PITPNM2: variants seen among roughly 807,000 people sequenced by gnomAD.
PITPNM2 encodes membrane-associated phosphatidylinositol transfer protein 2.
Under a neutral mutation model 132.2 loss-of-function variants are expected in PITPNM2, and 35 were observed. The observed-to-expected ratio is 0.26, with a 90% CI of 0.20 to 0.35. PITPNM2 has a LOEUF of 0.35. Among genes scored for constraint, PITPNM2 ranks in the 10% least tolerant of loss-of-function variants. PITPNM2 has a pLI of 1.00. For missense variants in PITPNM2, 1,332 were observed against 1,912.0 expected, an observed-to-expected ratio of 0.70 and a Z score of 5.66; for synonymous variants, 738 against 799.2, an observed-to-expected ratio of 0.92 and a Z score of 1.29.
chr12:123,059,760 T>C (rs968435954), intron 2 of PITPNM2, among the ~76,000 whole-genome samples: 2 of 152,072 alleles, frequency 1.3e-5, no homozygotes, highest in South Asian at 4.1e-4. Context: ...ACATCCGGAA[T>C]AGACAAATCC....
chr12:123,033,762 TG>T (rs1010605855), intron 3 of PITPNM2, among the ~76,000 whole-genome samples: 5 of 152,102 alleles, frequency 3.3e-5, no homozygotes, highest in African/African-American at 9.7e-5. Context: ...TATTTGGAGA[TG>T]GGGCCTTTGG....
chr12:123,027,769 T>C (rs375299809), intron 3 of PITPNM2, among the ~76,000 whole-genome samples: 2 of 152,200 alleles, frequency 1.3e-5, no homozygotes, highest in Non-Finnish European at 1.5e-5. Flanking sequence ...AAATGAAGAA[T>C]GGATTCTAGT....
At chr12:123,048,215 TC>T (rs1360270262) in intron 2 of PITPNM2, among the ~76,000 whole-genome samples, 1 of 151,984 alleles carries the variant, frequency 6.6e-6, no homozygotes, top group African/African-American at 2.4e-5. Context: ...AGAAGGACAT[TC>T]TGACACATGC....
chr12:122,986,090 G>A lies in PITPNM2; in HGVS notation c.3987C>T (p.Ala1329=), dbSNP rs1170757199. Residue 1329 remains alanine (A), a synonymous_variant, in exon 26 of 26, where the codon GCC becomes GCT. Coordinates refer to ENST00000320201, the MANE Select transcript of PITPNM2 (RefSeq NM_020845.3). ...CAGTCATGGCGCGGCCCCAGCAGCCGGCCGCCACACTCATGCTGCGCTGGC... is the reference window on the plus strand; with the variant it reads ...CAGTCATGGCGCGGCCCCAGCAGCCAGCCGCCACACTCATGCTGCGCTGGC... ...QRGQRSMSVA[A]GCWGRAMTGR... is the part of the protein sequence containing the mutation. 6.9e-6 allele frequency: 10 copies of A among 1,443,098 alleles called. No homozygotes were observed. The highest frequency in any genetic ancestry group is 2.9e-5 in the East Asian group (1 of 34,624). 89.4% of individuals were successfully genotyped at this position (1,443,098 alleles called of 1,614,324 possible). A position where few individuals can be genotyped will look rare whatever the true frequency, so the allele number is the denominator to read the frequency against.
Position 122,989,879 on chromosome 12 carries a change from C to CCGGGGGG in PITPNM2, c.2638_2639insCCCCCCG (p.Ser880ThrfsTer28). 1 of 324,566 alleles carries CCGGGGGG rather than the reference C, an allele frequency of 3.1e-6. No homozygotes were observed. Among genetic ancestry groups the CCGGGGGG allele is most frequent in the Non-Finnish European group, 5.0e-6 (1 of 198,204 alleles). 20.1% of individuals were successfully genotyped at this position (324,566 alleles called of 1,614,324 possible). On this transcript the variant is annotated frameshift_variant, in exon 18 of 26. Transcript: ENST00000320201. LOFTEE classifies it high-confidence loss of function. ...AGGGTGGGGGCCAGGGGTGGTGGGG[C>CCGGGGGG]TGGGGGCGGGCAGGGCGAGCAGGGA...
At chr12:123,144,186 C>T (rs1470685408) in intron 1 of PITPNM2, among the ~76,000 whole-genome samples, 1 of 152,184 alleles carries the variant, frequency 6.6e-6, no homozygotes, top group Non-Finnish European at 1.5e-5. Flanking sequence ...AATGGAAACA[C>T]GTGTCCTTTT....
At chr12:123,032,493 C>CAAAT (rs1268316150) in intron 3 of PITPNM2, among the ~76,000 whole-genome samples, 1 of 151,982 alleles carries the variant, frequency 6.6e-6, no homozygotes, top group African/African-American at 2.4e-5. Flanking sequence ...AACAAACAAA[C>CAAAT]AAACAAACAA....
rs763846753 is a variant in PITPNM2 at position 122,996,690 on chromosome 12, T to C, written c.1662+31A>G. ...GCCCGCCCTACAGGGTCTTCCATCC[T>C]CCTCCCCTCCCCAACTTCCCCGGGA... is the stretch of plus-strand genomic sequence containing the variant. On this transcript the variant is annotated intron_variant, in intron 12 of 25. Transcript: ENST00000320201. The C allele has an allele frequency of 1.9e-6, 3 of 1,610,114 alleles. No individual in the cohort carries two copies. The South Asian group carries it at 3.3e-5, about 18-fold the overall frequency.
At chr12:123,146,951 C>T (rs901891804) in intron 1 of PITPNM2, among the ~76,000 whole-genome samples, 3 of 152,180 alleles carry the variant, frequency 2.0e-5, no homozygotes, top group African/African-American at 7.2e-5. Context: ...TCTTCTGGGA[C>T]CCTCCATCAA....
At position 123,005,827 on chromosome 12, in the gene PITPNM2, G is replaced by T; in HGVS notation, c.644-279C>A. On this transcript the variant is annotated intron_variant, in intron 6 of 25. Coordinates refer to ENST00000320201, the MANE Select transcript of PITPNM2 (RefSeq NM_020845.3). The surrounding 1 kb of genome is among the most constrained non-coding windows in gnomAD (Gnocchi z 6.2). Reference sequence around the variant, plus strand: ...CAGAAGCCACAGTTGGAAGGGCGCAGTGGCTCATGCCTGTAATCCCAACAC... The same window carrying T: ...CAGAAGCCACAGTTGGAAGGGCGCATTGGCTCATGCCTGTAATCCCAACAC... 1 of 483,154 alleles carries T rather than the reference G, an allele frequency of 2.1e-6. No individual in the cohort carries two copies. The highest frequency in any genetic ancestry group is 3.7e-6 in the Non-Finnish European group (1 of 271,590). The allele number at this position is 483,154 out of a possible 1,614,324, so 29.9% of individuals were successfully genotyped here.
At chr12:123,087,732 C>T (rs1441314544) in intron 2 of PITPNM2, 1 of 152,224 alleles carries the variant, frequency 6.6e-6, no homozygotes, top group African/African-American at 2.4e-5. Context: ...AATCCTCCCA[C>T]CTCAGCCTCC....
At chr12:123,013,255 A>AC (rs943494506) in intron 4 of PITPNM2, among the ~76,000 whole-genome samples, 1 of 152,080 alleles carries the variant, frequency 6.6e-6, no homozygotes. Flanking sequence ...ATTTGTGGGG[A>AC]CCCCACCTGC....
intron 3 of PITPNM2, among the ~76,000 whole-genome samples, chr12:123,014,302 A>T (rs532368873): frequency 4.6e-5 from 7 of 152,234 alleles, no homozygotes; most frequent in Non-Finnish European, 8.8e-5. Flanking sequence ...CTGTCCCAGG[A>T]CTAAAAGCGT....
chr12:123,096,286 CCCCA>C (rs2042408729), intron 2 of PITPNM2, among the ~76,000 whole-genome samples: 1 of 152,216 alleles, frequency 6.6e-6, no homozygotes, highest in South Asian at 2.1e-4. Flanking sequence ...TGCTTGCATG[CCCCA>C]GCTCTTGGCC....
chr12:122,995,081 C>CTGCCATCATCTGCCACGACACTGCTGG, intron 14 of PITPNM2, 102 bp from the exon 15 acceptor site: 1 of 1,317,844 alleles, frequency 7.6e-7, no homozygotes, highest in Non-Finnish European at 1.0e-6. Flanking sequence ...CGGGGGCCCA[C>CTGCCATCATCTGCCACGACACTGCTGG]TGGCTTCAGG....
chr12:123,122,454 T>A (rs1376493610), intron 1 of PITPNM2, among the ~76,000 whole-genome samples: 2 of 151,954 alleles, frequency 1.3e-5, no homozygotes, highest in African/African-American at 2.4e-5. Flanking sequence ...AGAACAAGGC[T>A]CCGTCTCCAA....
Position 123,106,332 on chromosome 12 carries a change from G to A in PITPNM2, c.-96+4053C>T, listed in dbSNP as rs994971399. Among the ~76,000 whole-genome samples, 2 of 152,076 alleles carry A rather than the reference G, an allele frequency of 1.3e-5. No homozygotes were observed. The highest frequency in any genetic ancestry group is 2.9e-5 in the Non-Finnish European group (2 of 68,030). Reference sequence around the variant, plus strand: ...AAGCCCAGGAATTCAAGGCTGCAGTGAGCCATGATCACACCACTGCACTCC... The same window carrying A: ...AAGCCCAGGAATTCAAGGCTGCAGTAAGCCATGATCACACCACTGCACTCC... On this transcript the variant is annotated intron_variant, in intron 2 of 25. Coordinates refer to ENST00000320201, the MANE Select transcript of PITPNM2 (RefSeq NM_020845.3). The surrounding 1 kb of genome is among the most constrained non-coding windows in gnomAD (Gnocchi z 4.4).
At chr12:123,041,839 G>C (rs2040489913) in intron 2 of PITPNM2, among the ~76,000 whole-genome samples, 1 of 152,074 alleles carries the variant, frequency 6.6e-6, no homozygotes, top group African/African-American at 2.4e-5. Flanking sequence ...TCTGCTCCAG[G>C]GATGACAGGG....
intron 1 of PITPNM2, among the ~76,000 whole-genome samples, chr12:123,137,586 C>T (rs1412966047): frequency 6.6e-6 from 1 of 152,118 alleles, no homozygotes; most frequent in Non-Finnish European, 1.5e-5. Flanking sequence ...GGTATTGGAA[C>T]CAAGGCACAG....
Sources: allele counts gnomAD v4.1 joint callset (sites outside exome capture counted in the v4.1 genomes callset), GRCh38; gene constraint gnomAD v4.1.1; non-coding constraint Gnocchi (gnomAD v3.1); transcripts MANE v1.5; gene names NCBI Gene and HGNC (gene_info 2026-07-23, HGNC 2026-07-21).